The following FRMPD4 variants were observed in gnomAD, a reference collection of about 807,000 sequenced individuals.
FRMPD4 encodes the protein FERM and PDZ domain containing 4.
A neutral mutation model predicts 94.1 loss-of-function variants in FRMPD4; 22 were observed. The observed-to-expected ratio is 0.23, with a 90% CI of 0.17 to 0.33. The LOEUF (loss-of-function observed/expected upper bound fraction) is 0.33, where lower values mean the gene tolerates loss of function less well. FRMPD4 is among the 10% of genes least tolerant of loss of function. FRMPD4 has a pLI of 1.00. For missense variants in FRMPD4, 1,111 were observed against 1,339.9 expected (o/e 0.83, Z 2.67); for synonymous variants, 631 against 548.6 (o/e 1.15, Z -2.10).
chrX:12,627,284 GAATAAT>G (rs746281029), intron 4 of FRMPD4, among the ~76,000 whole-genome samples: 9 of 111,265 alleles, frequency 8.1e-5, no homozygotes, highest in African/African-American at 2.6e-4. Context: ...AAAATAATAA[GAATAAT>G]AATAACAACA....
chrX:12,541,271 G>C (rs1403365231), intron 2 of FRMPD4, among the ~76,000 whole-genome samples: 3 of 111,018 alleles, frequency 2.7e-5, no homozygotes, highest in Admixed American at 1.9e-4. Context: ...GAGACACAAA[G>C]AACCCTTCAA....
chrX:12,711,655 A>G (rs2041988157), intron 14 of FRMPD4, among the ~76,000 whole-genome samples: 1 of 111,360 alleles, frequency 9.0e-6, no homozygotes, highest in Admixed American at 9.5e-5. Flanking sequence ...CCATTAAAAA[A>G]AAGTATAATC....
chrX:11,879,822 G>A (rs1198047395), intron 3 of FRMPD4, among the ~76,000 whole-genome samples: 2 of 111,726 alleles, frequency 1.8e-5, no homozygotes, highest in African/African-American at 6.5e-5. Context: ...CACAAGTGAC[G>A]CTAGTTCAGT....
At chrX:12,654,875 T>C (rs1184750274) in intron 4 of FRMPD4, among the ~76,000 whole-genome samples, 2 of 112,263 alleles carry the variant, frequency 1.8e-5, no homozygotes, top group South Asian at 3.7e-4. Context: ...GGCTTTGGAG[T>C]CAGAAAAGCA....
intron 1 of FRMPD4, among the ~76,000 whole-genome samples, chrX:11,840,418 A>G (rs960430972): frequency 9.0e-6 from 1 of 111,120 alleles, no homozygotes; most frequent in Non-Finnish European, 1.9e-5. Context: ...TATTTTGTAA[A>G]CTTGCTAGGC....
chrX:12,456,637 T>C (rs1248629502), intron 1 of FRMPD4, among the ~76,000 whole-genome samples: 1 of 112,659 alleles, frequency 8.9e-6, no homozygotes, highest in Non-Finnish European at 1.9e-5. Flanking sequence ...ACTCTTTATG[T>C]ATAAAATGAC....
intron 1 of FRMPD4, among the ~76,000 whole-genome samples, chrX:11,830,937 G>C (rs186209503): frequency 9.0e-6 from 1 of 111,023 alleles, no homozygotes; most frequent in Non-Finnish European, 1.9e-5. Context: ...GGCTACATAC[G>C]GACTTTTGGG....
chrX:12,463,698 G>GTTTTGTT lies in FRMPD4; in HGVS notation c.42-34978_42-34977insGTTTTTT, dbSNP rs1569286401. Among the ~76,000 whole-genome samples, 4 of 81,470 alleles carry GTTTTGTT rather than the reference G, an allele frequency of 4.9e-5. No homozygotes were observed. In the East Asian group the frequency reaches 1.6e-3, roughly 33 times the overall value. The allele number at this position is 81,470 out of a possible 115,157, so 70.7% of individuals were successfully genotyped here. A position where few individuals can be genotyped will look rare whatever the true frequency, so the allele number is the denominator to read the frequency against. On this transcript the variant is annotated intron_variant, in intron 1 of 16. Transcript: ENST00000675598. ...ATGTGTGTGTTTTTTTTTTGTTTTT[G>GTTTTGTT]TTTTTTTTTTTTAACAGAGCATGAA...
intron 1 of FRMPD4, among the ~76,000 whole-genome samples, chrX:12,152,949 C>T (rs1437205029): frequency 3.8e-5 from 3 of 78,988 alleles, no homozygotes; most frequent in Non-Finnish European, 7.0e-5. Flanking sequence ...TTTTTTGAGA[C>T]GGAGTCTCGC....
chrX:11,990,360 A>T (rs978980888), intron 3 of FRMPD4, among the ~76,000 whole-genome samples: 15 of 112,327 alleles, frequency 1.3e-4, no homozygotes, highest in African/African-American at 4.8e-4. Context: ...GGGGATGAAA[A>T]TATTTCAGAA....
intron 1 of FRMPD4, among the ~76,000 whole-genome samples, chrX:12,387,436 G>C (rs2056411652): frequency 8.9e-6 from 1 of 111,915 alleles, no homozygotes; most frequent in Non-Finnish European, 1.9e-5. Flanking sequence ...TGGAACACTA[G>C]TCTTATTGAT....
chrX:12,531,556 T>C (rs2058285902), intron 2 of FRMPD4, among the ~76,000 whole-genome samples: 1 of 111,655 alleles, frequency 9.0e-6, no homozygotes, highest in African/African-American at 3.3e-5. Flanking sequence ...GATTCCACAT[T>C]TCTAATAAGC....
chrX:11,844,422 A>G (rs1433724591), intron 1 of FRMPD4, among the ~76,000 whole-genome samples: 1 of 109,852 alleles, frequency 9.1e-6, no homozygotes, highest in Non-Finnish European at 1.9e-5. Context: ...AGCTCTTCGG[A>G]TATATCAGTC....
At chrX:11,967,656 C>A in intron 3 of FRMPD4, among the ~76,000 whole-genome samples, 1 of 110,276 alleles carries the variant, frequency 9.1e-6, no homozygotes, top group Middle Eastern at 4.6e-3. Context: ...AGGGAAAGCT[C>A]ATCAGCTTCC....
At chrX:12,068,778 C>T (rs1319001999) in intron 3 of FRMPD4, among the ~76,000 whole-genome samples, 1 of 111,989 alleles carries the variant, frequency 8.9e-6, no homozygotes, top group Non-Finnish European at 1.9e-5. Flanking sequence ...GGATTGAATG[C>T]TATTAAAACA....
intron 2 of FRMPD4, among the ~76,000 whole-genome samples, chrX:12,571,175 C>T (rs2148361401): frequency 8.9e-6 from 1 of 112,533 alleles, no homozygotes; most frequent in Non-Finnish European, 1.9e-5. Context: ...ATAATTTACT[C>T]TTCAGCCAGG....
At chrX:12,520,754 T>G (rs747037782) in intron 2 of FRMPD4, among the ~76,000 whole-genome samples, 28 of 112,153 alleles carry the variant, frequency 2.5e-4, no homozygotes, top group Non-Finnish European at 4.3e-4. Context: ...TACTCACTGA[T>G]TGGACTGGTG....
chrX:12,311,693 G>A (rs887640447), intron 1 of FRMPD4, among the ~76,000 whole-genome samples: 4 of 110,551 alleles, frequency 3.6e-5, no homozygotes, highest in African/African-American at 1.3e-4. Context: ...TTCTAGGTTG[G>A]CAATTATTTT....
intron 1 of FRMPD4, among the ~76,000 whole-genome samples, chrX:12,193,158 T>A (rs1447132767): frequency 9.0e-6 from 1 of 111,472 alleles, no homozygotes; most frequent in Non-Finnish European, 1.9e-5. Context: ...TGGTTCCAAA[T>A]CAGCTCTTCT....
Sources: gnomAD v4.1 joint callset for allele counts (sites outside exome capture counted in the v4.1 genomes callset) on GRCh38, gnomAD v4.1.1 for gene constraint, MANE v1.5 for transcripts, NCBI Gene and HGNC (gene_info 2026-07-23, HGNC 2026-07-21) for gene names.